The following CUEDC1 variants were observed in gnomAD, a reference collection of about 807,000 sequenced individuals.
CUEDC1 encodes the protein CUE domain containing 1, also known as CUE domain-containing protein 1.
In CUEDC1, 30 loss-of-function variants were observed where a neutral mutation model predicts 43.7. The observed-to-expected ratio is 0.69, with a 90% confidence interval of 0.51 to 0.93. CUEDC1 has a LOEUF of 0.93. Ranked by LOEUF, CUEDC1 falls within the 40% of genes least tolerant of loss-of-function variation. CUEDC1 has a pLI of 0.00. For missense variants in CUEDC1, 486 were observed against 549.0 expected (o/e 0.89, Z 1.15); for synonymous variants, 223 against 223.6 (o/e 1.00, Z 0.02).
chr17:57,926,335 G>T (rs921212874), intron 1 of CUEDC1, among the ~76,000 whole-genome samples: 1 of 152,138 alleles, frequency 6.6e-6, no homozygotes, highest in Non-Finnish European at 1.5e-5. Flanking sequence ...AAGCCAAAAA[G>T]GTGGGCAGGA....
intron 1 of CUEDC1, among the ~76,000 whole-genome samples, chr17:57,925,221 G>C (rs2074735426): frequency 6.6e-6 from 1 of 152,044 alleles, no homozygotes; most frequent in African/African-American, 2.4e-5. Flanking sequence ...ACATTTTCCA[G>C]TTTTTCTTTA....
intron 1 of CUEDC1, among the ~76,000 whole-genome samples, chr17:57,949,359 C>G (rs2074984669): frequency 6.6e-6 from 1 of 152,106 alleles, no homozygotes; most frequent in Non-Finnish European, 1.5e-5. Context: ...CCTTTGTGCT[C>G]CAGGATGGGC....
At chr17:57,919,939 A>G (rs1016915490) in intron 1 of CUEDC1, among the ~76,000 whole-genome samples, 4 of 152,258 alleles carry the variant, frequency 2.6e-5, no homozygotes, top group Admixed American at 2.0e-4. Flanking sequence ...ATTTGTCTCT[A>G]GACAATATTA....
At position 57,930,593 on chromosome 17, in the gene CUEDC1, T is replaced by C. The variant is rs369656322; in HGVS notation, c.-316+24632A>G. 3.3e-4 allele frequency among the ~76,000 whole-genome samples: 50 copies of C among 152,322 alleles called. No individual in the cohort carries two copies. Among genetic ancestry groups the C allele is most frequent in the African/African-American group, 1.1e-3 (47 of 41,556 alleles). ...AGAAAACTGTGCCCACTTCTTTGGT[T>C]CTGCTCAAGCCAGACTGAAGCTGGG... On this transcript the variant is annotated intron_variant, in intron 1 of 10. Coordinates refer to ENST00000577830, the MANE Select transcript of CUEDC1 (RefSeq NM_001271875.2). This position sits in a 1 kb window ranked among gnomAD's most constrained non-coding sequence, Gnocchi z 4.2.
In CUEDC1 at chr17:57,879,860, G is replaced by A. The variant is rs115752161; in HGVS notation, c.337-122C>T. ...AAGGAACTCTGTGTGTTGCTAGTGG[G>A]AGTGTAAATCGATACAATCACCACT... On this transcript the variant is annotated intron_variant, in intron 2 of 10. Transcript: ENST00000577830. The A allele has an allele frequency of 1.9e-3, 1,892 of 1,012,510 alleles. 31 individuals are homozygous for A. The African/African-American group carries it at 0.029, about 15-fold the overall frequency. 62.7% of individuals were successfully genotyped at this position (1,012,510 alleles called of 1,614,324 possible).
chr17:57,896,451 C>G (rs2074408797), intron 1 of CUEDC1, among the ~76,000 whole-genome samples: 1 of 147,412 alleles, frequency 6.8e-6, no homozygotes. Context: ...AGGTACAAAA[C>G]AATGAGTATA....
chr17:57,917,790 G>A (rs887611136), intron 1 of CUEDC1, among the ~76,000 whole-genome samples: 1 of 152,356 alleles, frequency 6.6e-6, no homozygotes, highest in African/African-American at 2.4e-5. Flanking sequence ...AGACACTGAG[G>A]CTGAGAGAAT....
intron 1 of CUEDC1, among the ~76,000 whole-genome samples, chr17:57,949,836 T>C (rs1188939006): frequency 6.6e-6 from 1 of 152,028 alleles, no homozygotes; most frequent in Admixed American, 6.6e-5. Flanking sequence ...AGTGCTAGGA[T>C]TACAGGCATG....
In CUEDC1 at chr17:57,879,682, G is replaced by T; in HGVS notation, c.393C>A (p.Tyr131Ter). 6.2e-7 allele frequency: 1 copy of T among 1,603,652 alleles called. No homozygotes were observed. Among genetic ancestry groups the T allele is most frequent in the Non-Finnish European group, 8.5e-7 (1 of 1,176,236 alleles). The change falls in exon 3 of 11, where the codon TAC (tyrosine) becomes TAA (stop). Residue 131 changes from tyrosine (Y) to a stop codon, truncating the protein, a stop_gained. Coordinates refer to ENST00000577830, the MANE Select transcript of CUEDC1 (RefSeq NM_001271875.2). LOFTEE classifies it high-confidence loss of function. The part of the protein sequence containing the change: ...DSSDEEPPPV[Y>*]SPPAYHMHVF... ...CGTGCATGTGGTAGGCTGGCGGGGA[G>T]TACACAGGTGGGGGCTCTTCATCCG...
At chr17:57,865,947 C>T (rs2073951355) in intron 10 of CUEDC1, among the ~76,000 whole-genome samples, 1 of 152,088 alleles carries the variant, frequency 6.6e-6, no homozygotes, top group Admixed American at 6.6e-5. Context: ...CTCAGCCTCC[C>T]AAGTAGCTGG....
chr17:57,904,773 T>TG (rs1188012491), intron 1 of CUEDC1, among the ~76,000 whole-genome samples: 3 of 150,858 alleles, frequency 2.0e-5, no homozygotes, highest in Non-Finnish European at 3.0e-5. Context: ...CGTAGGGGAG[T>TG]GGGGGGGCCT....
At chr17:57,908,347 G>A (rs538154518) in intron 1 of CUEDC1, among the ~76,000 whole-genome samples, 234 of 152,278 alleles carry the variant, frequency 1.5e-3, no homozygotes, top group Non-Finnish European at 2.5e-3. Flanking sequence ...GTGAGCCACC[G>A]CGCCTGGTCA....
At chr17:57,913,575 T>TCCTC (rs2074606832) in intron 1 of CUEDC1, among the ~76,000 whole-genome samples, 1 of 151,756 alleles carries the variant, frequency 6.6e-6, no homozygotes, top group Non-Finnish European at 1.5e-5. Flanking sequence ...CAAAGAGGAG[T>TCCTC]GCAGGGAGGA....
At position 57,930,219 on chromosome 17, in the gene CUEDC1, G is replaced by A. The variant is rs890879825; in HGVS notation, c.-316+25006C>T. 6.6e-6 allele frequency among the ~76,000 whole-genome samples: 1 copy of A among 152,186 alleles called. No individual in the cohort carries two copies. The highest frequency in any genetic ancestry group is 2.4e-5 in the African/African-American group (1 of 41,448). On this transcript the variant is annotated intron_variant, in intron 1 of 10. Coordinates refer to ENST00000577830, the MANE Select transcript of CUEDC1 (RefSeq NM_001271875.2). The surrounding 1 kb of genome is among the most constrained non-coding windows in gnomAD (Gnocchi z 4.2). ...CCATTTCTAACCAGGTGATGTCAGC[G>A]CTGCTGGTCTAGGGACCTGACTTTG...
intron 1 of CUEDC1, among the ~76,000 whole-genome samples, chr17:57,931,418 C>T (rs1328144621): frequency 3.3e-5 from 5 of 152,132 alleles, no homozygotes; most frequent in Non-Finnish European, 7.3e-5. Flanking sequence ...TGCCACATGC[C>T]GGGCACTGTC....
chr17:57,899,908 T>C (rs1033434494), intron 1 of CUEDC1, among the ~76,000 whole-genome samples: 1 of 151,892 alleles, frequency 6.6e-6, no homozygotes, highest in African/African-American at 2.4e-5. Context: ...TTCATTAGGC[T>C]GATAGCAGGG....
At chr17:57,884,024 C>T (rs1042092606) in intron 2 of CUEDC1, among the ~76,000 whole-genome samples, 1 of 152,002 alleles carries the variant, frequency 6.6e-6, no homozygotes, top group Admixed American at 6.6e-5. Flanking sequence ...GGTACTGATG[C>T]AGTACGCAGG....
At chr17:57,938,125 A>C (rs754179783) in intron 1 of CUEDC1, among the ~76,000 whole-genome samples, 4 of 152,178 alleles carry the variant, frequency 2.6e-5, no homozygotes, top group Admixed American at 6.5e-5. Context: ...AGGATCCTCA[A>C]GCCCAGAGTC....
chr17:57,868,991 C>T (rs1597968004), intron 7 of CUEDC1, 131 bp downstream of exon 7: 12 of 869,596 alleles, frequency 1.4e-5, no homozygotes, highest in Middle Eastern at 2.7e-4. Flanking sequence ...AGCCAGCCTG[C>T]GATGAAAATG....
Sources: allele counts gnomAD v4.1 joint callset (sites outside exome capture counted in the v4.1 genomes callset), GRCh38; gene constraint gnomAD v4.1.1; non-coding constraint Gnocchi (gnomAD v3.1); transcripts MANE v1.5; gene names NCBI Gene and HGNC (gene_info 2026-07-23, HGNC 2026-07-21).